ROR1: variants seen among roughly 807,000 people sequenced by gnomAD.
ROR1 encodes ROR family WNT receptor 1, also known as inactive tyrosine-protein kinase transmembrane receptor ROR1.
A neutral mutation model predicts 78.8 loss-of-function variants in ROR1; 19 were observed. That is an observed-to-expected ratio of 0.24 (90% CI 0.17 to 0.35). ROR1 has a LOEUF of 0.35. ROR1 is among the 10% of genes least tolerant of loss of function. The pLI is 1.00. For missense variants in ROR1, 917 were observed against 1,177.8 expected, an observed-to-expected ratio of 0.78 and a Z score of 3.24; for synonymous variants, 386 against 433.6, an observed-to-expected ratio of 0.89 and a Z score of 1.36.
intron 2 of ROR1, among the ~76,000 whole-genome samples, chr1:64,020,458 C>CAT (rs1157402223): frequency 6.6e-6 from 1 of 152,150 alleles, no homozygotes. Context: ...GGATACTCTA[C>CAT]AATTTAGTGG....
In ROR1 at chr1:64,159,052, C is replaced by T; in HGVS notation, c.1246C>T (p.Leu416=). 3 of 1,613,874 alleles carry T rather than the reference C, an allele frequency of 1.9e-6. No homozygotes were observed. The highest frequency in any genetic ancestry group is 2.5e-6 in the Non-Finnish European group (3 of 1,179,736). ...ACTAGTGCCAAGTGTGGCCATTCCC[C>T]TGGCCATTGCTTTACTCTTCTTCTT... ...YILVPSVAIP[L]AIALLFFFIC... is the part of the protein sequence containing the mutation. The change falls in exon 8 of 9, where the codon CTG becomes TTG. Residue 416 remains leucine, a synonymous_variant. Transcript: ENST00000371079.
intron 1 of ROR1, among the ~76,000 whole-genome samples, chr1:63,840,021 T>C (rs1645040049): frequency 6.6e-6 from 1 of 152,174 alleles, no homozygotes; most frequent in Admixed American, 6.5e-5. Flanking sequence ...TATATTAAGC[T>C]TAAGGAAGTG....
At chr1:63,996,628 T>C (rs1646338918) in intron 1 of ROR1, among the ~76,000 whole-genome samples, 1 of 152,190 alleles carries the variant, frequency 6.6e-6, no homozygotes, top group South Asian at 2.1e-4. Flanking sequence ...ACTTAAACAC[T>C]TGATTTCCAG....
chr1:63,906,328 A>AT (rs1177829153), intron 1 of ROR1, among the ~76,000 whole-genome samples: 2 of 152,208 alleles, frequency 1.3e-5, no homozygotes, highest in Non-Finnish European at 2.9e-5. Flanking sequence ...AGCAAGGATC[A>AT]TTTTGTAAAC....
intron 4 of ROR1, among the ~76,000 whole-genome samples, chr1:64,108,809 A>G (rs1647949690): frequency 6.6e-6 from 1 of 152,218 alleles, no homozygotes; most frequent in Non-Finnish European, 1.5e-5. Context: ...GAAGAAAGTC[A>G]TTTGGCAACA....
intron 1 of ROR1, among the ~76,000 whole-genome samples, chr1:63,906,048 T>C (rs996261332): frequency 1.3e-5 from 2 of 152,232 alleles, no homozygotes; most frequent in Non-Finnish European, 2.9e-5. Context: ...TTATTTCCTA[T>C]AGACATTTTA....
intron 1 of ROR1, among the ~76,000 whole-genome samples, chr1:63,860,017 G>A (rs1052416028): frequency 6.6e-6 from 1 of 152,188 alleles, no homozygotes; most frequent in African/African-American, 2.4e-5. Flanking sequence ...TGGCCTAAGT[G>A]GTAGAGCTTT....
chr1:63,934,757 C>T (rs1645780793), intron 1 of ROR1, among the ~76,000 whole-genome samples: 1 of 152,092 alleles, frequency 6.6e-6, no homozygotes, highest in African/African-American at 2.4e-5. Context: ...GAGGGACAGA[C>T]AGCTTACGTC....
chr1:63,981,763 T>C (rs4601618), intron 1 of ROR1, among the ~76,000 whole-genome samples: 3,854 of 152,128 alleles, frequency 0.025, 167 homozygotes, highest in African/African-American at 0.088. Flanking sequence ...GCAGAAGTCC[T>C]GGCATAGAAA....
In ROR1 at chr1:64,178,803, G is replaced by A. The variant is rs899194498; in HGVS notation, c.2762G>A (p.Gly921Glu). 1 of 1,614,050 alleles carries A rather than the reference G, an allele frequency of 6.2e-7. No individual in the cohort carries two copies. Residue 921 changes from glycine (G) to glutamate (E), a missense_variant, in exon 9 of 9, where the codon GGA (glycine) becomes GAA (glutamate). Transcript: ENST00000371079. The surrounding 1 kb of genome is among the most constrained non-coding windows in gnomAD (Gnocchi z 4.3). ...KIDSKQASLLGDANIHGHTES... is the reference protein window; with the variant it reads ...KIDSKQASLLEDANIHGHTES... ...GACTCAAAGCAAGCATCTTTACTAG[G>A]AGACGCCAATATTCATGGACACACC...
rs116659018 is a variant in ROR1, at chr1:63,878,466, A to T, written c.91+103958A>T. Among the ~76,000 whole-genome samples, 925 of 151,130 alleles carry T rather than the reference A, an allele frequency of 6.1e-3. 13 individuals carry two copies. Among genetic ancestry groups the T allele is most frequent in the African/African-American group, 0.022 (889 of 41,148 alleles). On this transcript the variant is annotated intron_variant, in intron 1 of 8. Transcript: ENST00000371079. ...TGTACATTTTCTCTGTCCCCTTCTA[A>T]TCTATTCACCACATTGTAGCTGGAG...
intron 2 of ROR1, among the ~76,000 whole-genome samples, chr1:64,021,809 T>C (rs1224996332): frequency 2.0e-5 from 3 of 152,212 alleles, no homozygotes; most frequent in Non-Finnish European, 4.4e-5. Context: ...TTTTCTTTGA[T>C]TTTCATACTT....
intron 1 of ROR1, among the ~76,000 whole-genome samples, chr1:63,812,184 A>T (rs1393246350): frequency 6.6e-6 from 1 of 151,858 alleles, no homozygotes; most frequent in African/African-American, 2.4e-5. Flanking sequence ...CTGGTCTCGA[A>T]CTCCTGACCT....
chr1:63,951,485 G>A (rs151135187), intron 1 of ROR1, among the ~76,000 whole-genome samples: 41 of 152,322 alleles, frequency 2.7e-4, no homozygotes, highest in African/African-American at 9.9e-4. Flanking sequence ...ACTCGTCTCT[G>A]AGGAGGGGAC....
chr1:64,151,803 G>A (rs1649632502), intron 7 of ROR1, among the ~76,000 whole-genome samples: 2 of 150,386 alleles, frequency 1.3e-5, no homozygotes, highest in Admixed American at 1.3e-4. Context: ...AGAATTGCTT[G>A]AACCCCAGAG....
intron 7 of ROR1, among the ~76,000 whole-genome samples, chr1:64,154,037 A>G (rs2100724803): frequency 6.6e-6 from 1 of 152,312 alleles, no homozygotes; most frequent in South Asian, 2.1e-4. Flanking sequence ...TTTTTCCCAA[A>G]TGCTCACAAA....
chr1:63,984,400 C>T (rs576032280), intron 1 of ROR1, among the ~76,000 whole-genome samples: 3 of 152,276 alleles, frequency 2.0e-5, no homozygotes, highest in East Asian at 3.9e-4. Context: ...CAGCCATTCA[C>T]ATTTAAAGCT....
chr1:64,064,751 A>G (rs1646943527), intron 4 of ROR1, among the ~76,000 whole-genome samples: 1 of 152,194 alleles, frequency 6.6e-6, no homozygotes, highest in African/African-American at 2.4e-5. Context: ...GGGGGCAGAC[A>G]TGGTGGTACA....
At chr1:64,140,924 T>C (rs933599053) in intron 6 of ROR1, among the ~76,000 whole-genome samples, 1 of 152,190 alleles carries the variant, frequency 6.6e-6, no homozygotes, top group African/African-American at 2.4e-5. Context: ...GAAAACATTA[T>C]ACTAAGTAAA....
Sources: allele counts gnomAD v4.1 joint callset (sites outside exome capture counted in the v4.1 genomes callset), GRCh38; gene constraint gnomAD v4.1.1; non-coding constraint Gnocchi (gnomAD v3.1); transcripts MANE v1.5; gene names NCBI Gene and HGNC (gene_info 2026-07-23, HGNC 2026-07-21).